The following EBF1 variants were observed in gnomAD, a reference collection of about 807,000 sequenced individuals.
EBF1 encodes EBF transcription factor 1.
Under a neutral mutation model 68.4 loss-of-function variants are expected in EBF1, and 10 were observed. The observed-to-expected ratio is 0.15, with a 90% CI of 0.09 to 0.25. The LOEUF (loss-of-function observed/expected upper bound fraction) is 0.25, where lower values mean the gene tolerates loss of function less well. Among genes scored for constraint, EBF1 ranks in the 10% least tolerant of loss-of-function variants. The pLI, the probability that EBF1 is intolerant of heterozygous loss-of-function variation, is 1.00. For missense variants in EBF1, 509 were observed against 794.4 expected, an observed-to-expected ratio of 0.64 and a Z score of 4.32; for synonymous variants, 298 against 299.8, an observed-to-expected ratio of 0.99 and a Z score of 0.06.
At chr5:159,032,118 G>A (rs540014089) in intron 6 of EBF1, among the ~76,000 whole-genome samples, 2 of 152,074 alleles carry the variant, frequency 1.3e-5, no homozygotes, top group Admixed American at 1.3e-4. Context: ...ATCAACAGGT[G>A]TAACAAATGC....
chr5:158,810,061 G>C (rs1018429621), intron 8 of EBF1, among the ~76,000 whole-genome samples: 1 of 152,182 alleles, frequency 6.6e-6, no homozygotes, highest in Admixed American at 6.5e-5. Flanking sequence ...TTGAAAGGTA[G>C]AGGAATATGA....
chr5:158,936,784 C>G (rs775187867), intron 6 of EBF1, among the ~76,000 whole-genome samples: 8 of 152,160 alleles, frequency 5.3e-5, no homozygotes, highest in Non-Finnish European at 8.8e-5. Flanking sequence ...CTTCCACTTC[C>G]CCCAGTATGA....
chr5:158,936,672 T>C (rs1216175686), intron 6 of EBF1, among the ~76,000 whole-genome samples: 1 of 152,210 alleles, frequency 6.6e-6, no homozygotes, highest in Non-Finnish European at 1.5e-5. Flanking sequence ...TCCAGCACAT[T>C]TCCACTCCAG....
intron 10 of EBF1, among the ~76,000 whole-genome samples, chr5:158,767,343 C>T (rs946167265): frequency 2.6e-5 from 4 of 152,134 alleles, no homozygotes; most frequent in Admixed American, 1.3e-4. Flanking sequence ...ACTTAAGGCT[C>T]CAGTTCCTGT....
intron 6 of EBF1, among the ~76,000 whole-genome samples, chr5:158,952,114 C>T (rs1583425469): frequency 6.6e-6 from 1 of 152,160 alleles, no homozygotes. Context: ...AGGGCCAGGC[C>T]GGCCTCTCAG....
intron 9 of EBF1, among the ~76,000 whole-genome samples, chr5:158,793,484 A>AT (rs1005082837): frequency 6.6e-6 from 1 of 151,706 alleles, no homozygotes; most frequent in Non-Finnish European, 1.5e-5. Context: ...ATGAAACCTC[A>AT]TTTTTTTTCT....
At chr5:158,881,594 A>T (rs1026221296) in intron 6 of EBF1, among the ~76,000 whole-genome samples, 2 of 152,216 alleles carry the variant, frequency 1.3e-5, no homozygotes. Flanking sequence ...GCCTGCAGAC[A>T]TTCACCAGAT....
intron 6 of EBF1, among the ~76,000 whole-genome samples, chr5:158,863,038 T>G (rs1019308821): frequency 2.6e-5 from 4 of 152,174 alleles, no homozygotes; most frequent in Non-Finnish European, 5.9e-5. Flanking sequence ...TGGCATAAAG[T>G]CCACCATTTA....
chr5:159,023,977 G>C (rs1767226380), intron 6 of EBF1, among the ~76,000 whole-genome samples: 2 of 152,082 alleles, frequency 1.3e-5, no homozygotes, highest in East Asian at 3.9e-4. Context: ...TGGAATAAAA[G>C]TTCTTTCTTT....
At chr5:158,803,837 G>T (rs866680497) in intron 8 of EBF1, among the ~76,000 whole-genome samples, 2 of 150,416 alleles carry the variant, frequency 1.3e-5, no homozygotes, top group African/African-American at 2.4e-5. Flanking sequence ...GTTTATTAGG[G>T]TTTTTATTTC....
intron 15 of EBF1, among the ~76,000 whole-genome samples, chr5:158,703,602 CAAAAAAA>C (rs11301371): frequency 7.9e-6 from 1 of 126,388 alleles, no homozygotes; most frequent in African/African-American, 3.0e-5. Flanking sequence ...GTTGCTTTTT[CAAAAAAA>C]AAAAAAAAAA....
Position 158,712,981 on chromosome 5 carries a change from G to T in EBF1, c.1358C>A (p.Ala453Asp). ...AGCAAGCTTCTGACCCTGATTGGTG[G>T]CTTGTGATGCCTCGGAGACATTCAC... ...LAVNVSEASQATNQGFTRNSS... is the reference protein window; with the variant it reads ...LAVNVSEASQDTNQGFTRNSS... Residue 453 changes from alanine (A) to aspartate (D), a missense_variant, in exon 13 of 16, where the codon GCC (alanine) becomes GAC (aspartate). Physicochemically the swap from Ala to Asp is moderately radical, Grantham distance 126. Around this residue, in one of 3 missense-constraint regions of EBF1, gnomAD observed 205 missense variants for 247.4 expected, o/e 0.83. Coordinates refer to ENST00000313708, the MANE Select transcript of EBF1 (RefSeq NM_024007.5). 1 of 1,490,320 alleles carries T rather than the reference G, an allele frequency of 6.7e-7. No individual in the cohort carries two copies. The highest frequency in any genetic ancestry group is 9.0e-7 in the Non-Finnish European group (1 of 1,110,344). The allele number at this position is 1,490,320 out of a possible 1,614,324, so 92.3% of individuals were successfully genotyped here.
chr5:158,702,037 A>G (rs1375698013), intron 15 of EBF1, among the ~76,000 whole-genome samples: 2 of 152,214 alleles, frequency 1.3e-5, no homozygotes, highest in Non-Finnish European at 2.9e-5. Context: ...AGAATTTTGC[A>G]TGTAATATCA....
intron 10 of EBF1, among the ~76,000 whole-genome samples, chr5:158,765,897 G>A (rs1772551125): frequency 6.6e-6 from 1 of 152,102 alleles, no homozygotes; most frequent in Non-Finnish European, 1.5e-5. Flanking sequence ...GATTGCACAG[G>A]GCTGAGGACC....
intron 6 of EBF1, among the ~76,000 whole-genome samples, chr5:159,051,659 G>A (rs1272762307): frequency 6.6e-6 from 1 of 151,842 alleles, no homozygotes; most frequent in Non-Finnish European, 1.5e-5. Flanking sequence ...AGCCCCGACT[G>A]TAAGAAGTAA....
chr5:158,703,602 CAAA>C (rs11301371), intron 15 of EBF1, among the ~76,000 whole-genome samples: 6 of 126,386 alleles, frequency 4.7e-5, no homozygotes, highest in East Asian at 2.5e-4. Context: ...GTTGCTTTTT[CAAA>C]AAAAAAAAAA....
At chr5:159,047,216 T>C (rs1422216000) in intron 6 of EBF1, among the ~76,000 whole-genome samples, 1 of 152,128 alleles carries the variant, frequency 6.6e-6, no homozygotes, top group Non-Finnish European at 1.5e-5. Flanking sequence ...ATCTGACGGA[T>C]GAATTGAGCT....
chr5:158,933,158 T>G (rs944229553), intron 6 of EBF1, among the ~76,000 whole-genome samples: 3 of 151,938 alleles, frequency 2.0e-5, no homozygotes, highest in Non-Finnish European at 4.4e-5. Context: ...TTTTGAAAAC[T>G]AAAAATTCAA....
intron 11 of EBF1, among the ~76,000 whole-genome samples, chr5:158,728,258 C>A (rs954945953): frequency 6.6e-6 from 1 of 152,200 alleles, no homozygotes; most frequent in African/African-American, 2.4e-5. Context: ...GGGCTCCGGC[C>A]AGCCCTTGCA....
Sources: gnomAD v4.1 joint callset for allele counts (sites outside exome capture counted in the v4.1 genomes callset) on GRCh38, gnomAD v4.1.1 for gene constraint, gnomAD v4.1.1 regional missense constraint, MANE v1.5 for transcripts, NCBI Gene and HGNC (gene_info 2026-07-23, HGNC 2026-07-21) for gene names.